Variants in PEAK1 observed in about 807,000 individuals in gnomAD.
PEAK1 encodes inactive tyrosine-protein kinase PEAK1.
A neutral mutation model predicts 124.7 loss-of-function variants in PEAK1; 54 were observed. The ratio of observed to expected loss-of-function variants is 0.43; its 90% CI spans 0.35 to 0.54. The LOEUF is 0.54. Ranked by LOEUF, PEAK1 falls within the 20% of genes least tolerant of loss-of-function variation. The pLI is 0.01. For synonymous variants in PEAK1, 719 were observed against 760.0 expected, an observed-to-expected ratio of 0.95 and a Z score of 0.89; for missense variants, 2,046 against 2,134.5, an observed-to-expected ratio of 0.96 and a Z score of 0.82.
chr15:77,300,342 G>A (rs1190143696), intron 2 of PEAK1, among the ~76,000 whole-genome samples: 2 of 152,166 alleles, frequency 1.3e-5, no homozygotes, highest in African/African-American at 4.8e-5. Context: ...ACTGTTAGTA[G>A]GCAGGCTTCC....
chr15:77,307,226 T>G (rs2064153559), intron 2 of PEAK1, among the ~76,000 whole-genome samples: 1 of 152,128 alleles, frequency 6.6e-6, no homozygotes, highest in Non-Finnish European at 1.5e-5. Flanking sequence ...TGACATTAAG[T>G]GTATCACAGC....
intron 8 of PEAK1, among the ~76,000 whole-genome samples, chr15:77,153,317 T>G (rs562931406): frequency 6.6e-6 from 1 of 152,230 alleles, no homozygotes; most frequent in Non-Finnish European, 1.5e-5. Flanking sequence ...TTTGCATTTC[T>G]GTGGGATCGG....
intron 7 of PEAK1, among the ~76,000 whole-genome samples, chr15:77,163,584 T>C (rs2055849479): frequency 6.6e-6 from 1 of 152,230 alleles, no homozygotes; most frequent in Non-Finnish European, 1.5e-5. Context: ...GTTAAATGTC[T>C]GAGTGTACTT....
chr15:77,258,143 G>A (rs957898366), intron 5 of PEAK1, among the ~76,000 whole-genome samples: 24 of 152,188 alleles, frequency 1.6e-4, no homozygotes, highest in African/African-American at 5.5e-4. Flanking sequence ...TTGTAGTATA[G>A]TTTGAAGTCA....
chr15:77,160,876 T>C (rs2055574911), intron 7 of PEAK1, among the ~76,000 whole-genome samples: 1 of 152,092 alleles, frequency 6.6e-6, no homozygotes, highest in South Asian at 2.1e-4. Context: ...TCAAAAAGGG[T>C]TGGTGAAGGG....
At chr15:77,229,635 T>G (rs2059819036) in intron 6 of PEAK1, among the ~76,000 whole-genome samples, 1 of 150,738 alleles carries the variant, frequency 6.6e-6, no homozygotes, top group African/African-American at 2.4e-5. Flanking sequence ...TTTAGCTGTT[T>G]CTTTCTTTTC....
Position 77,183,587 on chromosome 15 carries a change from CCT to C in PEAK1, c.-114-1549_-114-1548del, listed in dbSNP as rs772445150. ...GAATTTCATTCTTCTCACTAGCAAA[CCT>C]CTGTTATAAAATATTGTACCTAAAT... On this transcript the variant is annotated intron_variant, in intron 6 of 9. Transcript: ENST00000682557. Among the ~76,000 whole-genome samples, 83 of 152,022 alleles carry C rather than the reference CCT, an allele frequency of 5.5e-4. No homozygotes were observed. In the East Asian group the frequency reaches 8.7e-3, roughly 16 times the overall value.
chr15:77,415,372 T>C (rs144206167), intron 1 of PEAK1, among the ~76,000 whole-genome samples: 1 of 152,334 alleles, frequency 6.6e-6, no homozygotes, highest in South Asian at 2.1e-4. Flanking sequence ...CTACAGACTA[T>C]CTTTTTTTCC....
At chr15:77,368,650 A>G (rs575958689) in intron 1 of PEAK1, among the ~76,000 whole-genome samples, 1 of 152,238 alleles carries the variant, frequency 6.6e-6, no homozygotes, top group Non-Finnish European at 1.5e-5. Context: ...AGCATTAAGC[A>G]AAGAGCAAGA....
intron 1 of PEAK1, chr15:77,404,055 A>G: frequency 2.0e-6 from 2 of 984,374 alleles, no homozygotes; most frequent in Non-Finnish European, 2.4e-6. Context: ...ATATAGAATC[A>G]ATTTTACTGA....
intron 2 of PEAK1, chr15:77,352,403 A>C: frequency 1.0e-6 from 1 of 985,292 alleles, no homozygotes; most frequent in Non-Finnish European, 1.2e-6. Context: ...GTCCACTTCC[A>C]AGACAGGTCC....
At chr15:77,255,274 A>G (rs946233121) in intron 5 of PEAK1, 1 of 744,416 alleles carries the variant, frequency 1.3e-6, no homozygotes, top group African/African-American at 1.9e-5. Context: ...GTGTAATAAC[A>G]ACAATGAAAT....
chr15:77,257,895 G>T lies in PEAK1; in HGVS notation c.-274-5369C>A, dbSNP rs376412043. 2.6e-5 allele frequency among the ~76,000 whole-genome samples: 4 copies of T among 152,186 alleles called. No homozygotes were observed. The East Asian group carries it at 7.7e-4, about 29-fold the overall frequency. On this transcript the variant is annotated intron_variant, in intron 5 of 9. Coordinates refer to ENST00000682557, the MANE Select transcript of PEAK1 (RefSeq NM_001385026.1). ...TTAAGTCTTTAATCCATCTTGAATT[G>T]ATTTTTGTATAAGGTGTAAGGAAGG...
chr15:77,401,569 T>A, intron 1 of PEAK1: 1 of 979,632 alleles, frequency 1.0e-6, no homozygotes, highest in African/African-American at 1.7e-5. Flanking sequence ...AACACAAAAA[T>A]TGTAGCTTAT....
intron 9 of PEAK1, among the ~76,000 whole-genome samples, chr15:77,131,705 C>T (rs954928863): frequency 6.6e-6 from 1 of 152,204 alleles, no homozygotes; most frequent in African/African-American, 2.4e-5. Context: ...TTATCCTCCT[C>T]TATAAAAATG....
intron 8 of PEAK1, chr15:77,155,215 C>G: frequency 6.6e-6 from 1 of 152,166 alleles, no homozygotes; most frequent in Non-Finnish European, 1.5e-5. Flanking sequence ...AACTTCCCTT[C>G]TCGCCTCATT....
At chr15:77,409,162 G>A (rs907840306) in intron 1 of PEAK1, among the ~76,000 whole-genome samples, 2 of 152,064 alleles carry the variant, frequency 1.3e-5, no homozygotes, top group Non-Finnish European at 2.9e-5. Context: ...AATTAAGAGG[G>A]GACCCTAACT....
At position 77,287,869 on chromosome 15, in the gene PEAK1, A is replaced by G. The variant is rs10162742; in HGVS notation, c.-602-1365T>C. Reference sequence around the variant, plus strand: ...AACTTCTCAAGCTAAAAGTTGGGCAATCATCTCACACTTCACCAGTCATCT... The same window carrying G: ...AACTTCTCAAGCTAAAAGTTGGGCAGTCATCTCACACTTCACCAGTCATCT... On this transcript the variant is annotated intron_variant, in intron 2 of 9. Transcript: ENST00000682557. 8.9e-3 allele frequency among the ~76,000 whole-genome samples: 1,356 copies of G among 152,304 alleles called. 23 individuals are homozygous for G. The highest frequency in any genetic ancestry group is 0.031 in the African/African-American group (1,275 of 41,562).
intron 8 of PEAK1, among the ~76,000 whole-genome samples, chr15:77,148,898 G>T (rs539193914): frequency 1.3e-5 from 2 of 152,186 alleles, no homozygotes; most frequent in East Asian, 3.9e-4. Flanking sequence ...CTCCAGCATG[G>T]GCGATAGAGC....
Sources: allele counts gnomAD v4.1 joint callset (sites outside exome capture counted in the v4.1 genomes callset), GRCh38; gene constraint gnomAD v4.1.1; transcripts MANE v1.5; gene names NCBI Gene and HGNC (gene_info 2026-07-23, HGNC 2026-07-21).